Variants in PXDNL observed in about 807,000 individuals in gnomAD.
PXDNL encodes the protein peroxidasin like.
In PXDNL, 145 loss-of-function variants were observed where a neutral mutation model predicts 150.8. That is an observed-to-expected ratio of 0.96 (90% CI 0.84 to 1.10). The LOEUF (loss-of-function observed/expected upper bound fraction) is 1.10, where lower values mean the gene tolerates loss of function less well. PXDNL is among the 50% of genes least tolerant of loss of function. PXDNL has a pLI of 0.00. For missense variants in PXDNL, 2,087 were observed against 1,873.9 expected, an observed-to-expected ratio of 1.11 and a Z score of -2.10; for synonymous variants, 757 against 725.7, an observed-to-expected ratio of 1.04 and a Z score of -0.69.
chr8:51,565,664 A>G (rs991756305), intron 3 of PXDNL, among the ~76,000 whole-genome samples: 1 of 152,026 alleles, frequency 6.6e-6, no homozygotes, highest in African/African-American at 2.4e-5. Flanking sequence ...TGATGGTTCA[A>G]TGTACACATA....
intron 1 of PXDNL, among the ~76,000 whole-genome samples, chr8:51,684,456 G>C (rs1815828776): frequency 6.6e-6 from 1 of 152,170 alleles, no homozygotes; most frequent in Non-Finnish European, 1.5e-5. Flanking sequence ...TGTGCATAAT[G>C]ATCTAAGCCC....
intron 1 of PXDNL, among the ~76,000 whole-genome samples, chr8:51,700,233 A>G (rs1324437713): frequency 2.0e-5 from 3 of 149,060 alleles, no homozygotes; most frequent in Non-Finnish European, 4.5e-5. Context: ...ACAGACACAT[A>G]TACATACCCA....
At chr8:51,703,981 C>G (rs1018216539) in intron 1 of PXDNL, among the ~76,000 whole-genome samples, 1 of 152,142 alleles carries the variant, frequency 6.6e-6, no homozygotes, top group Admixed American at 6.5e-5. Flanking sequence ...GTCTTTCCGA[C>G]TTGGCAAATC....
At position 51,688,050 on chromosome 8, in the gene PXDNL, C is replaced by T. The variant is rs186759202; in HGVS notation, c.165-33290G>A. 5.0e-3 allele frequency among the ~76,000 whole-genome samples: 763 copies of T among 152,276 alleles called. 3 individuals carry two copies. Among genetic ancestry groups the T allele is most frequent in the African/African-American group, 0.017 (715 of 41,548 alleles). The stretch of plus-strand genomic sequence containing the variant: ...TCAGTGAAGTAGGAAATGTAGATTA[C>T]AAGAAAATATAGATTTCCTAGAGCA... On this transcript the variant is annotated intron_variant, in intron 1 of 22. Transcript: ENST00000356297.
chr8:51,730,472 A>G (rs989458013), intron 1 of PXDNL, among the ~76,000 whole-genome samples: 1 of 152,184 alleles, frequency 6.6e-6, no homozygotes, highest in African/African-American at 2.4e-5. Flanking sequence ...CCCCCAAGTA[A>G]TCTCTGAACA....
intron 2 of PXDNL, among the ~76,000 whole-genome samples, chr8:51,643,803 G>A (rs1244218898): frequency 6.6e-6 from 1 of 152,004 alleles, no homozygotes; most frequent in Non-Finnish European, 1.5e-5. Flanking sequence ...ATCTGACAAG[G>A]GGCTAATAGC....
intron 1 of PXDNL, among the ~76,000 whole-genome samples, chr8:51,784,708 G>T (rs2037444998): frequency 6.7e-6 from 1 of 150,282 alleles, no homozygotes; most frequent in African/African-American, 2.4e-5. Context: ...GCACTTATTA[G>T]GAGGCACAGA....
chr8:51,744,892 A>T (rs1441131154), intron 1 of PXDNL, among the ~76,000 whole-genome samples: 2 of 147,620 alleles, frequency 1.4e-5, no homozygotes, highest in African/African-American at 5.1e-5. Flanking sequence ...AAGAGAAGGA[A>T]GGAAAGAAGG....
At chr8:51,803,241 C>T (rs1398126017) in intron 1 of PXDNL, among the ~76,000 whole-genome samples, 1 of 152,172 alleles carries the variant, frequency 6.6e-6, no homozygotes, top group African/African-American at 2.4e-5. Context: ...AGACAGGAAG[C>T]TCTCAGTTAC....
At chr8:51,350,595 T>C (rs1806320519) in intron 19 of PXDNL, among the ~76,000 whole-genome samples, 1 of 151,976 alleles carries the variant, frequency 6.6e-6, no homozygotes, top group Non-Finnish European at 1.5e-5. Context: ...CCTCAGGTGA[T>C]CCGCCCACCT....
At chr8:51,327,872 C>T (rs1011201751) in intron 21 of PXDNL, among the ~76,000 whole-genome samples, 1 of 152,080 alleles carries the variant, frequency 6.6e-6, no homozygotes, top group East Asian at 1.9e-4. Flanking sequence ...AAGGTGAAAT[C>T]TGAAGAGACA....
At chr8:51,752,040 A>G (rs1038517401) in intron 1 of PXDNL, among the ~76,000 whole-genome samples, 44 of 152,330 alleles carry the variant, frequency 2.9e-4, no homozygotes, top group African/African-American at 9.6e-4. Flanking sequence ...TCAAAATTAC[A>G]AAGTTTTCCA....
At chr8:51,548,768 G>GA (rs959243281) in intron 4 of PXDNL, among the ~76,000 whole-genome samples, 265 of 151,520 alleles carry the variant, frequency 1.7e-3, no homozygotes, top group African/African-American at 5.4e-3. Flanking sequence ...TAACACAGTG[G>GA]AAAAAAAACA....
intron 4 of PXDNL, among the ~76,000 whole-genome samples, chr8:51,527,656 G>A (rs1811797906): frequency 6.6e-6 from 1 of 152,178 alleles, no homozygotes; most frequent in Admixed American, 6.5e-5. Flanking sequence ...GGCAGTAATG[G>A]TAGTGATTGC....
chr8:51,579,267 C>T (rs934894489), intron 3 of PXDNL, among the ~76,000 whole-genome samples: 7 of 151,898 alleles, frequency 4.6e-5, no homozygotes, highest in African/African-American at 1.7e-4. Context: ...TACAAAACCC[C>T]ACAATCTCAT....
chr8:51,378,507 G>T (rs1478075137), intron 17 of PXDNL, among the ~76,000 whole-genome samples: 8 of 152,340 alleles, frequency 5.3e-5, no homozygotes, highest in African/African-American at 1.9e-4. Flanking sequence ...ATGTGGGTGG[G>T]GCCAGAAAAG....
At chr8:51,541,610 G>A (rs981418802) in intron 4 of PXDNL, among the ~76,000 whole-genome samples, 1 of 152,126 alleles carries the variant, frequency 6.6e-6, no homozygotes, top group Admixed American at 6.5e-5. Context: ...AGCCTCTGCA[G>A]GTCTCTAGGG....
intron 14 of PXDNL, among the ~76,000 whole-genome samples, chr8:51,418,897 G>C (rs1391010529): frequency 6.6e-6 from 1 of 152,142 alleles, no homozygotes; most frequent in African/African-American, 2.4e-5. Context: ...CTGAGCCATA[G>C]AACAGGAGTC....
intron 2 of PXDNL, among the ~76,000 whole-genome samples, chr8:51,618,477 T>G (rs1216548784): frequency 6.6e-6 from 1 of 152,212 alleles, no homozygotes; most frequent in Non-Finnish European, 1.5e-5. Context: ...AAAGAGAAAG[T>G]GCAGTAGTCT....
Sources: gnomAD v4.1 joint callset for allele counts (sites outside exome capture counted in the v4.1 genomes callset) on GRCh38, gnomAD v4.1.1 for gene constraint, MANE v1.5 for transcripts, NCBI Gene and HGNC (gene_info 2026-07-23, HGNC 2026-07-21) for gene names.